LRRC4C: variants seen among roughly 807,000 people sequenced by gnomAD.
LRRC4C encodes leucine-rich repeat-containing protein 4C.
A neutral mutation model predicts 33.6 loss-of-function variants in LRRC4C; 5 were observed. The observed-to-expected ratio is 0.15, with a 90% CI of 0.08 to 0.31. LRRC4C has a LOEUF of 0.31. LRRC4C is among the 10% of genes least tolerant of loss of function. The pLI, the probability that LRRC4C is intolerant of heterozygous loss-of-function variation, is 1.00. For missense variants in LRRC4C, 560 were observed against 796.7 expected (o/e 0.70, Z 3.58); for synonymous variants, 329 against 302.0 (o/e 1.09, Z -0.93).
chr11:40,474,757 T>C (rs1036963719), intron 3 of LRRC4C, among the ~76,000 whole-genome samples: 3 of 151,838 alleles, frequency 2.0e-5, no homozygotes, highest in African/African-American at 7.3e-5. Flanking sequence ...AACAACCCAA[T>C]CAAAAAGTGG....
intron 2 of LRRC4C, among the ~76,000 whole-genome samples, chr11:40,915,315 C>T (rs1030718642): frequency 1.3e-5 from 2 of 152,098 alleles, no homozygotes; most frequent in African/African-American, 4.8e-5. Flanking sequence ...GCTACAGTAA[C>T]CAAAACAGCA....
At chr11:40,482,973 T>C (rs951501168) in intron 3 of LRRC4C, among the ~76,000 whole-genome samples, 4 of 152,228 alleles carry the variant, frequency 2.6e-5, no homozygotes, top group Non-Finnish European at 5.9e-5. Context: ...CCATGGATTT[T>C]GGATGCATAT....
intron 1 of LRRC4C, among the ~76,000 whole-genome samples, chr11:41,049,288 C>G (rs937068818): frequency 1.3e-5 from 2 of 152,140 alleles, no homozygotes; most frequent in Non-Finnish European, 2.9e-5. Context: ...CTCTTGCCTG[C>G]CACCATGTAA....
At chr11:40,623,518 G>C (rs1203146565) in intron 3 of LRRC4C, among the ~76,000 whole-genome samples, 2 of 152,100 alleles carry the variant, frequency 1.3e-5, no homozygotes, top group East Asian at 3.9e-4. Context: ...AAGGCCTAAA[G>C]TAACTAGTAG....
chr11:40,637,455 T>C lies in LRRC4C; in HGVS notation c.-270+10687A>G, dbSNP rs569792748. On this transcript the variant is annotated intron_variant, in intron 3 of 6. Coordinates refer to ENST00000528697, the MANE Select transcript of LRRC4C (RefSeq NM_001258419.2). The stretch of plus-strand genomic sequence containing the variant: ...ATATAGATTACCTTGTTCAAACTTT[T>C]AATTATCCTTTGAAGTAGATATTAT... Among the ~76,000 whole-genome samples the C allele has an allele frequency of 8.5e-5, 13 of 152,340 alleles. No homozygotes were observed. The East Asian group carries it at 2.5e-3, about 29-fold the overall frequency.
intron 1 of LRRC4C, among the ~76,000 whole-genome samples, chr11:41,110,759 G>T (rs1241946501): frequency 6.6e-6 from 1 of 151,876 alleles, no homozygotes; most frequent in Non-Finnish European, 1.5e-5. Flanking sequence ...TATTGGGAAG[G>T]GTTCAATACT....
At chr11:40,152,449 A>G (rs1263176864) in intron 5 of LRRC4C, among the ~76,000 whole-genome samples, 2 of 152,070 alleles carry the variant, frequency 1.3e-5, no homozygotes, top group African/African-American at 4.8e-5. Context: ...CTTGGCCAGA[A>G]CTCAAGGGAG....
chr11:40,582,802 C>T (rs1958532488), intron 3 of LRRC4C, among the ~76,000 whole-genome samples: 1 of 150,170 alleles, frequency 6.7e-6, no homozygotes, highest in Non-Finnish European at 1.5e-5. Context: ...CAGGCGTGAG[C>T]CCCCACGCCC....
chr11:40,247,096 A>T (rs542179135), intron 4 of LRRC4C, among the ~76,000 whole-genome samples: 4 of 149,358 alleles, frequency 2.7e-5, no homozygotes, highest in East Asian at 3.9e-4. Context: ...AGAGCCTGTA[A>T]CTCCTTCCTT....
chr11:40,405,441 G>A (rs1008131878), intron 3 of LRRC4C, among the ~76,000 whole-genome samples: 4 of 151,684 alleles, frequency 2.6e-5, no homozygotes, highest in African/African-American at 7.3e-5. Flanking sequence ...TTCGAGACCA[G>A]TTTGACAAAC....
chr11:40,298,685 C>A (rs896337233), intron 4 of LRRC4C, among the ~76,000 whole-genome samples: 6 of 151,846 alleles, frequency 4.0e-5, no homozygotes, highest in African/African-American at 1.2e-4. Flanking sequence ...AAGATATACC[C>A]AAGACAGGCT....
intron 1 of LRRC4C, among the ~76,000 whole-genome samples, chr11:41,457,847 C>T (rs1956217345): frequency 6.6e-6 from 1 of 152,070 alleles, no homozygotes; most frequent in Non-Finnish European, 1.5e-5. Context: ...CAGTTGTCCT[C>T]TTTTACCTAC....
chr11:40,327,122 G>C (rs893562696), intron 3 of LRRC4C, among the ~76,000 whole-genome samples: 1 of 152,228 alleles, frequency 6.6e-6, no homozygotes, highest in African/African-American at 2.4e-5. Context: ...GTCTACGTTT[G>C]AGAGTTGAGG....
intron 2 of LRRC4C, among the ~76,000 whole-genome samples, chr11:40,666,572 G>A (rs74452535): frequency 1.8e-4 from 28 of 152,224 alleles, no homozygotes; most frequent in African/African-American, 6.3e-4. Context: ...CAAATTTGGG[G>A]AACTGAGGAA....
At chr11:40,598,582 T>G (rs1046896033) in intron 3 of LRRC4C, among the ~76,000 whole-genome samples, 46 of 152,176 alleles carry the variant, frequency 3.0e-4, no homozygotes, top group African/African-American at 1.1e-3. Context: ...GGTGCAATGC[T>G]CTGTGCTATC....
intron 3 of LRRC4C, among the ~76,000 whole-genome samples, chr11:40,532,319 G>C (rs1415096240): frequency 6.6e-6 from 1 of 151,952 alleles, no homozygotes; most frequent in East Asian, 1.9e-4. Context: ...ACATGGAACA[G>C]CGGTGATTGT....
intron 5 of LRRC4C, among the ~76,000 whole-genome samples, chr11:40,165,771 C>A (rs530500479): frequency 1.3e-5 from 2 of 152,118 alleles, no homozygotes; most frequent in South Asian, 2.1e-4. Context: ...CATGGAGGAA[C>A]CCTGTCTCTA....
At chr11:41,125,620 G>A (rs1259194815) in intron 1 of LRRC4C, among the ~76,000 whole-genome samples, 5 of 152,008 alleles carry the variant, frequency 3.3e-5, no homozygotes, top group African/African-American at 1.2e-4. Context: ...TTACCCAACT[G>A]TATTTTGCAT....
intron 1 of LRRC4C, among the ~76,000 whole-genome samples, chr11:41,287,815 C>T (rs556998955): frequency 3.2e-4 from 48 of 152,262 alleles, no homozygotes; most frequent in African/African-American, 1.1e-3. Flanking sequence ...TAAATCTCCC[C>T]TGTCTCTTTC....
Sources: gnomAD v4.1 joint callset for allele counts (sites outside exome capture counted in the v4.1 genomes callset) on GRCh38, gnomAD v4.1.1 for gene constraint, MANE v1.5 for transcripts, NCBI Gene and HGNC (gene_info 2026-07-23, HGNC 2026-07-21) for gene names.